The following VPS39 variants were observed in gnomAD, a reference collection of about 807,000 sequenced individuals.
VPS39 encodes the protein VPS39 subunit of HOPS complex.
Under a neutral mutation model 121.0 loss-of-function variants are expected in VPS39, and 70 were observed. The observed-to-expected ratio is 0.58, with a 90% CI of 0.48 to 0.71. VPS39 has a LOEUF of 0.71. Ranked by LOEUF, VPS39 falls within the 30% of genes least tolerant of loss-of-function variation. The pLI, the probability that VPS39 is intolerant of heterozygous loss-of-function variation, is 0.00. For missense variants in VPS39, 818 were observed against 1,051.5 expected, an observed-to-expected ratio of 0.78 and a Z score of 3.07; for synonymous variants, 378 against 398.1, an observed-to-expected ratio of 0.95 and a Z score of 0.60.
intron 21 of VPS39, 28 bp from the exon 22 acceptor site, chr15:42,162,509 A>G: frequency 6.4e-7 from 1 of 1,566,956 alleles, no homozygotes; most frequent in Non-Finnish European, 8.7e-7. Flanking sequence ...GAGCTACGTC[A>G]GGCTGGCAGC....
At chr15:42,163,757 C>G in intron 19 of VPS39, 29 bp from the exon 20 acceptor site, 1 of 1,547,600 alleles carries the variant, frequency 6.5e-7, no homozygotes, top group African/African-American at 1.4e-5. Flanking sequence ...TGAGGAACCA[C>G]TGCCGCCATC....
chr15:42,167,583 T>G (rs757133555), intron 12 of VPS39, 46 bp from the exon 13 acceptor site: 1 of 1,602,372 alleles, frequency 6.2e-7, no homozygotes, highest in South Asian at 1.1e-5. Context: ...TAAGTCTTCC[T>G]TTGTCATCTG....
chr15:42,192,730 G>A (rs962985735), intron 2 of VPS39, among the ~76,000 whole-genome samples: 13 of 151,908 alleles, frequency 8.6e-5, no homozygotes, highest in East Asian at 1.9e-4. Context: ...ACTTGAAAGC[G>A]TCCTATTATT....
intron 1 of VPS39, among the ~76,000 whole-genome samples, chr15:42,207,515 T>C (rs2050199174): frequency 6.6e-6 from 1 of 152,188 alleles, no homozygotes; most frequent in Non-Finnish European, 1.5e-5. Context: ...GTTAGGTAAC[T>C]TGGACACTTT....
rs551591258 is a variant in VPS39 at position 42,168,142 on chromosome 15, T to C, written c.1234-605A>G. Among the ~76,000 whole-genome samples the C allele has an allele frequency of 7.2e-5, 11 of 152,366 alleles. No homozygotes were observed. The East Asian group carries it at 1.9e-3, about 27-fold the overall frequency. ...AGAACTTCATCCAGTATGTATTCTC[T>C]TGAGTCTGGCAGAGCCCATGGTCTT... is the stretch of plus-strand genomic sequence containing the variant. On this transcript the variant is annotated intron_variant, in intron 12 of 24. Coordinates refer to ENST00000318006, the MANE Select transcript of VPS39 (RefSeq NM_015289.5).
At chr15:42,175,481 A>T (rs1201084952) in intron 10 of VPS39, among the ~76,000 whole-genome samples, 1 of 152,048 alleles carries the variant, frequency 6.6e-6, no homozygotes, top group Non-Finnish European at 1.5e-5. Flanking sequence ...GAAAGGTCCT[A>T]TTCTCAGTAA....
chr15:42,162,166 C>T lies in VPS39; in HGVS notation c.2326G>A (p.Ala776Thr). ...LHHSKLDTTK[A>T]LNLLPANTQI... ...GTGTTTGCTGGCAGAAGGTTGAGGG[C>T]CTAGGGACAGGAACAGAGATAGGGA... Residue 776 changes from alanine to threonine, a missense_variant and splice_region_variant, in exon 23 of 25, where the codon GCC (alanine) becomes ACC (threonine). Physicochemically the swap from Ala to Thr is moderately conservative, Grantham distance 58 (BLOSUM62 0). Coordinates refer to ENST00000318006, the MANE Select transcript of VPS39 (RefSeq NM_015289.5). The T allele has an allele frequency of 1.2e-6, 2 of 1,614,106 alleles. No individual in the cohort carries two copies. The highest frequency in any genetic ancestry group is 1.3e-5 in the African/African-American group (1 of 75,012).
chr15:42,162,137 C>G lies in VPS39; in HGVS notation c.2355G>C (p.Gln785His). ...CCAGGAAGATGCGTATGTCATTGAT[C>G]TGAGTGTTTGCTGGCAGAAGGTTGA... is the stretch of plus-strand genomic sequence containing the variant. ...KALNLLPANT[Q>H]INDIRIFLEK... Residue 785 changes from glutamine to histidine, a missense_variant, in exon 23 of 25, where the codon CAG becomes CAC. Coordinates refer to ENST00000318006, the MANE Select transcript of VPS39 (RefSeq NM_015289.5). The G allele has an allele frequency of 6.2e-7, 1 of 1,614,170 alleles. No individual in the cohort carries two copies. Among genetic ancestry groups the G allele is most frequent in the Non-Finnish European group, 8.5e-7 (1 of 1,180,048 alleles).
chr15:42,176,870 T>C (rs1479943222), intron 10 of VPS39, among the ~76,000 whole-genome samples: 1 of 152,118 alleles, frequency 6.6e-6, no homozygotes, highest in African/African-American at 2.4e-5. Context: ...CTTTAAAGTA[T>C]CACTATCTGA....
chr15:42,191,644 G>T, intron 2 of VPS39, 84 bp from the exon 3 acceptor site: 2 of 1,156,476 alleles, frequency 1.7e-6, no homozygotes, highest in South Asian at 1.3e-5. Context: ...GCTCCATACT[G>T]CTCTCCTATA....
At chr15:42,177,381 T>G (rs2049476262) in intron 10 of VPS39, among the ~76,000 whole-genome samples, 1 of 152,014 alleles carries the variant, frequency 6.6e-6, no homozygotes, top group Non-Finnish European at 1.5e-5. Context: ...GGTCACTATT[T>G]TGCTGTGAAC....
intron 2 of VPS39, among the ~76,000 whole-genome samples, chr15:42,197,751 A>C (rs754450718): frequency 4.6e-5 from 7 of 152,150 alleles, no homozygotes; most frequent in Non-Finnish European, 8.8e-5. Flanking sequence ...CCCTACCCCT[A>C]GTCTTTTCTT....
intron 7 of VPS39, among the ~76,000 whole-genome samples, chr15:42,185,797 G>A (rs777229472): frequency 1.3e-5 from 2 of 152,148 alleles, no homozygotes; most frequent in African/African-American, 2.4e-5. Context: ...TGTGAATCTC[G>A]ATTGTGGCAT....
intron 3 of VPS39, 57 bp downstream of exon 3, chr15:42,191,439 T>A: frequency 6.6e-7 from 1 of 1,523,928 alleles, no homozygotes; most frequent in Non-Finnish European, 9.1e-7. Context: ...AAAGTTCTAG[T>A]CTGACAGGGT....
chr15:42,161,061 T>G (rs2049117383), intron 24 of VPS39: 1 of 525,822 alleles, frequency 1.9e-6, no homozygotes, highest in African/African-American at 1.9e-5. Flanking sequence ...TGGGGTATTT[T>G]TTTATTATGC....
chr15:42,161,092 G>A (rs944332869), intron 24 of VPS39: 10 of 446,266 alleles, frequency 2.2e-5, no homozygotes, highest in African/African-American at 1.8e-4. Flanking sequence ...GCATATTAAA[G>A]ATGGGCAGTG....
chr15:42,172,607 C>A (rs1248941696), intron 11 of VPS39, among the ~76,000 whole-genome samples: 3 of 152,192 alleles, frequency 2.0e-5, no homozygotes, highest in African/African-American at 7.2e-5. Context: ...GATGCAACAA[C>A]AGGGGAAGTG....
intron 20 of VPS39, 96 bp downstream of exon 20, chr15:42,163,530 G>T (rs539891599): frequency 3.3e-6 from 5 of 1,512,016 alleles, no homozygotes; most frequent in Non-Finnish European, 3.7e-6. Flanking sequence ...TCTTGCTCCC[G>T]CAGTGGAGTA....
At chr15:42,191,689 A>G in intron 2 of VPS39, 129 bp from the exon 3 acceptor site, 2 of 787,080 alleles carry the variant, frequency 2.5e-6, no homozygotes, top group South Asian at 1.8e-5. Flanking sequence ...ACTAAAAATC[A>G]GAGATCTAAA....
Sources: gnomAD v4.1 joint callset for allele counts (sites outside exome capture counted in the v4.1 genomes callset) on GRCh38, gnomAD v4.1.1 for gene constraint, MANE v1.5 for transcripts, NCBI Gene and HGNC (gene_info 2026-07-23, HGNC 2026-07-21) for gene names.